KMT2E: variants seen among roughly 807,000 people sequenced by gnomAD.
The protein encoded by KMT2E is lysine methyltransferase 2E (inactive), also known as histone reader KMT2E.
In KMT2E, 30 loss-of-function variants were observed where a neutral mutation model predicts 184.6. The observed-to-expected ratio is 0.16, with a 90% confidence interval of 0.12 to 0.22. The LOEUF (loss-of-function observed/expected upper bound fraction) is 0.22, where lower values mean the gene tolerates loss of function less well. Among genes scored for constraint, KMT2E ranks in the 10% least tolerant of loss-of-function variants. KMT2E has a pLI of 1.00. For synonymous variants in KMT2E, 815 were observed against 776.5 expected (o/e 1.05, Z -0.82); for missense variants, 2,023 against 2,237.4 (o/e 0.90, Z 1.93).
chr7:105,033,964 T>C (rs1412082688), intron 1 of KMT2E, among the ~76,000 whole-genome samples: 1 of 152,102 alleles, frequency 6.6e-6, no homozygotes, highest in Non-Finnish European at 1.5e-5. Context: ...GGAACGAATC[T>C]ATTCCTCAGA....
intron 13 of KMT2E, 31 bp downstream of exon 13, chr7:105,081,828 G>A (rs748155878): frequency 8.8e-6 from 8 of 911,626 alleles, no homozygotes; most frequent in Non-Finnish European, 1.4e-5. Context: ...GTAATCTGTT[G>A]TTTGAAAATA....
intron 1 of KMT2E, among the ~76,000 whole-genome samples, chr7:105,015,371 T>A (rs529081928): frequency 6.6e-6 from 1 of 152,206 alleles, no homozygotes; most frequent in Non-Finnish European, 1.5e-5. Flanking sequence ...CTTAGTTCCG[T>A]ATAGATCCGT....
At chr7:105,014,996 T>A (rs1449671553) in intron 1 of KMT2E, among the ~76,000 whole-genome samples, 1 of 152,072 alleles carries the variant, frequency 6.6e-6, no homozygotes. Context: ...TGACGGGCAG[T>A]CTCTGGTATA....
Position 105,062,151 on chromosome 7 carries a change from T to C in KMT2E, c.72-13T>C, listed in dbSNP as rs1406638316. 3.9e-6 allele frequency: 6 copies of C among 1,539,404 alleles called. No homozygotes were observed. Among genetic ancestry groups the C allele is most frequent in the East Asian group, 4.5e-5 (2 of 44,446 alleles). The stretch of plus-strand genomic sequence containing the variant: ...AGAATGGAATTCTCTTTGATGCAAC[T>C]TTTTCCCCCCAGACCAGAATCCGTA... On this transcript the variant is annotated splice_polypyrimidine_tract_variant and intron_variant, in intron 3 of 26. Coordinates refer to ENST00000311117, the MANE Select transcript of KMT2E (RefSeq NM_182931.3).
At chr7:105,052,713 C>T (rs1024461121) in intron 3 of KMT2E, among the ~76,000 whole-genome samples, 15 of 151,800 alleles carry the variant, frequency 9.9e-5, no homozygotes, top group Admixed American at 3.9e-4. Context: ...TATGCACCAC[C>T]ACACCCAGCT....
intron 13 of KMT2E, among the ~76,000 whole-genome samples, chr7:105,084,488 G>C (rs183427258): frequency 6.6e-6 from 1 of 152,046 alleles, no homozygotes; most frequent in African/African-American, 2.4e-5. Context: ...TTATCCGGGC[G>C]TGGTGGCGGG....
chr7:105,082,662 A>G (rs1308223019), intron 13 of KMT2E, among the ~76,000 whole-genome samples: 2 of 152,120 alleles, frequency 1.3e-5, no homozygotes, highest in Non-Finnish European at 2.9e-5. Context: ...GGGAGGCAGG[A>G]GAGGGAAGCA....
intron 1 of KMT2E, among the ~76,000 whole-genome samples, chr7:105,032,223 C>T (rs891375562): frequency 6.6e-6 from 1 of 151,930 alleles, no homozygotes; most frequent in African/African-American, 2.4e-5. Flanking sequence ...GCAGGCAGAT[C>T]ACCTGAGGTC....
intron 3 of KMT2E, among the ~76,000 whole-genome samples, chr7:105,052,969 G>A (rs1796408392): frequency 6.6e-6 from 1 of 152,104 alleles, no homozygotes; most frequent in Admixed American, 6.6e-5. Flanking sequence ...TACTTCAGTT[G>A]TTAAGAAGAG....
chr7:105,077,998 GCGTTGCTTCCCTGTAGT>G (rs1797601041), intron 11 of KMT2E, among the ~76,000 whole-genome samples: 1 of 152,182 alleles, frequency 6.6e-6, no homozygotes, highest in Non-Finnish European at 1.5e-5. Flanking sequence ...CCTTTGATAG[GCGTTGCTTCCCTGTAGT>G]CTAGAAGTAT....
rs1344449285 is a variant in KMT2E at position 105,109,082 on chromosome 7, T to G, written c.3609T>G (p.Asn1203Lys). Residue 1203 changes from asparagine to lysine, a missense_variant, in exon 23 of 27, where the codon AAT becomes AAG. Physicochemically the swap from Asn to Lys is moderately conservative, Grantham distance 94. This residue lies in a region of KMT2E where 1,108 missense variants were observed against 1,050.9 expected (regional missense o/e 1.05). Coordinates refer to ENST00000311117, the MANE Select transcript of KMT2E (RefSeq NM_182931.3). ...ATGGTGATGGCTGTGCCAGCAGTAA[T>G]GACAATGGGGAGCAGGTGGACCACA... ...SNNGDGCASS[N>K]DNGEQVDHTA... 1 of 1,614,184 alleles carries G rather than the reference T, an allele frequency of 6.2e-7. No homozygotes were observed. The highest frequency in any genetic ancestry group is 8.5e-7 in the Non-Finnish European group (1 of 1,180,020).
At chr7:105,044,979 G>A (rs2129565650) in intron 3 of KMT2E, among the ~76,000 whole-genome samples, 1 of 152,234 alleles carries the variant, frequency 6.6e-6, no homozygotes, top group Middle Eastern at 3.4e-3. Context: ...CACCTGAAGG[G>A]GTCAAAGGTA....
intron 13 of KMT2E, among the ~76,000 whole-genome samples, chr7:105,089,566 G>C (rs1177545531): frequency 6.6e-6 from 1 of 152,194 alleles, no homozygotes; most frequent in Admixed American, 6.5e-5. Flanking sequence ...CACAGTCAAA[G>C]TGCAGTCAGA....
intron 3 of KMT2E, among the ~76,000 whole-genome samples, chr7:105,041,836 C>A (rs568665481): frequency 6.6e-6 from 1 of 152,248 alleles, no homozygotes; most frequent in African/African-American, 2.4e-5. Flanking sequence ...GATTTCTTGA[C>A]ACTTAATCGA....
intron 9 of KMT2E, among the ~76,000 whole-genome samples, 190 bp downstream of exon 9, chr7:105,076,271 TATTA>T (rs1797523122): frequency 6.6e-6 from 1 of 152,216 alleles, no homozygotes; most frequent in Non-Finnish European, 1.5e-5. Context: ...ACTGTTAAAA[TATTA>T]ATCAAAAGGG....
intron 12 of KMT2E, among the ~76,000 whole-genome samples, chr7:105,079,911 G>A (rs1353376246): frequency 6.6e-6 from 1 of 151,752 alleles, no homozygotes; most frequent in East Asian, 1.9e-4. Context: ...ATGGCTCACT[G>A]GAGCCTCAAC....
Position 105,079,059 on chromosome 7 carries a change from C to G in KMT2E, c.1248+96C>G. 3 of 665,244 alleles carry G rather than the reference C, an allele frequency of 4.5e-6. No homozygotes were observed. The South Asian group carries it at 5.1e-5, about 11-fold the overall frequency. 41.2% of individuals were successfully genotyped at this position (665,244 alleles called of 1,614,324 possible). A position where few individuals can be genotyped will look rare whatever the true frequency, so the allele number is the denominator to read the frequency against. ...AAACTCAGGTCACTGACCTAAGACA[C>G]TTTCCACCTGTTGGTGCATTTTATA... is the stretch of plus-strand genomic sequence containing the variant. On this transcript the variant is annotated intron_variant, in intron 12 of 26. Transcript: ENST00000311117.
At chr7:105,075,541 A>G (rs185951183) in intron 8 of KMT2E, among the ~76,000 whole-genome samples, 69 of 152,310 alleles carry the variant, frequency 4.5e-4, no homozygotes, top group African/African-American at 1.7e-3. Flanking sequence ...CACTTCAACA[A>G]AATTATATGT....
At chr7:105,072,809 G>A (rs1473907941) in intron 6 of KMT2E, among the ~76,000 whole-genome samples, 1 of 152,080 alleles carries the variant, frequency 6.6e-6, no homozygotes, top group African/African-American at 2.4e-5. Flanking sequence ...CAGCTACTTG[G>A]GAGGCTGAGG....
Sources: gnomAD v4.1 joint callset for allele counts (sites outside exome capture counted in the v4.1 genomes callset) on GRCh38, gnomAD v4.1.1 for gene constraint, gnomAD v4.1.1 regional missense constraint, MANE v1.5 for transcripts, NCBI Gene and HGNC (gene_info 2026-07-23, HGNC 2026-07-21) for gene names.